VPS13B: variants seen among roughly 807,000 people sequenced by gnomAD.
VPS13B encodes intermembrane lipid transfer protein VPS13B.
VPS13B carries 285 observed loss-of-function variants against 426.4 expected under a neutral mutation model. That is an observed-to-expected ratio of 0.67 (90% CI 0.61 to 0.74). The LOEUF (loss-of-function observed/expected upper bound fraction) is 0.74. VPS13B is among the 30% of genes least tolerant of loss of function. VPS13B has a pLI of 0.00. For synonymous variants in VPS13B, 1,676 were observed against 1,676.4 expected, an observed-to-expected ratio of 1.00 and a Z score of 0.01; for missense variants, 4,537 against 4,782.6, an observed-to-expected ratio of 0.95 and a Z score of 1.51.
intron 30 of VPS13B, among the ~76,000 whole-genome samples, chr8:99,545,855 T>C (rs1823942673): frequency 6.6e-6 from 1 of 152,120 alleles, no homozygotes; most frequent in Admixed American, 6.5e-5. Context: ...TTGAAGGGCA[T>C]TGTGCTACTG....
rs566777471 is a variant in VPS13B, at chr8:99,245,400, G to T, written c.2516-28798G>T. Among the ~76,000 whole-genome samples the T allele has an allele frequency of 2.0e-5, 3 of 152,272 alleles. No homozygotes were observed. In the East Asian group the frequency reaches 5.8e-4, roughly 29 times the overall value. On this transcript the variant is annotated intron_variant, in intron 17 of 61. Transcript: ENST00000357162. Reference sequence around the variant, plus strand: ...GAATGTTTTTGTCTTGCTCTTAGCTGCTTCCTAAGCATTTATTACCATGAT... The same window carrying T: ...GAATGTTTTTGTCTTGCTCTTAGCTTCTTCCTAAGCATTTATTACCATGAT...
chr8:99,697,484 C>G, intron 35 of VPS13B: 1 of 739,990 alleles, frequency 1.4e-6, no homozygotes, highest in Non-Finnish European at 2.5e-6. Flanking sequence ...CTGCTCTAAG[C>G]TGAAGGAGCA....
intron 35 of VPS13B, among the ~76,000 whole-genome samples, chr8:99,661,931 ACCT>A (rs1242012582): frequency 1.3e-5 from 2 of 152,196 alleles, no homozygotes; most frequent in Non-Finnish European, 2.9e-5. Context: ...AGTTAAATGT[ACCT>A]GTTTCACATG....
intron 15 of VPS13B, among the ~76,000 whole-genome samples, chr8:99,157,476 T>C (rs1393674391): frequency 2.6e-5 from 4 of 152,192 alleles, no homozygotes. Flanking sequence ...GTAACTGTTT[T>C]TCGGGCACCA....
intron 33 of VPS13B, among the ~76,000 whole-genome samples, chr8:99,592,771 C>T (rs993487613): frequency 2.0e-5 from 3 of 152,094 alleles, no homozygotes; most frequent in African/African-American, 7.2e-5. Flanking sequence ...ACACCTACAA[C>T]CATCTGGTCT....
At chr8:99,755,305 G>A (rs923432909) in intron 39 of VPS13B, among the ~76,000 whole-genome samples, 2 of 152,160 alleles carry the variant, frequency 1.3e-5, no homozygotes, top group East Asian at 3.8e-4. Context: ...AGGGAAGTCT[G>A]TTTAATCATT....
At chr8:99,203,124 G>A (rs1814454337) in intron 17 of VPS13B, among the ~76,000 whole-genome samples, 1 of 151,834 alleles carries the variant, frequency 6.6e-6, no homozygotes, top group African/African-American at 2.4e-5. Flanking sequence ...TAAAATACTG[G>A]CAAACTGAAT....
chr8:99,158,423 C>T (rs1302270534), intron 15 of VPS13B, among the ~76,000 whole-genome samples: 2 of 152,148 alleles, frequency 1.3e-5, no homozygotes, highest in Non-Finnish European at 2.9e-5. Flanking sequence ...ATCTCAGCTA[C>T]TCAGGAGGCT....
At chr8:99,297,132 T>G (rs1204939373) in intron 19 of VPS13B, among the ~76,000 whole-genome samples, 2 of 151,896 alleles carry the variant, frequency 1.3e-5, no homozygotes, top group Non-Finnish European at 2.9e-5. Flanking sequence ...GAAAGTAAGG[T>G]TTTTATAGGG....
chr8:99,683,847 G>C (rs1831257919), intron 35 of VPS13B, among the ~76,000 whole-genome samples: 1 of 152,078 alleles, frequency 6.6e-6, no homozygotes, highest in African/African-American at 2.4e-5. Flanking sequence ...ATCTTGCCTT[G>C]TTGCACTGTC....
intron 24 of VPS13B, among the ~76,000 whole-genome samples, chr8:99,476,979 C>T (rs1045703215): frequency 1.3e-5 from 2 of 152,068 alleles, no homozygotes; most frequent in Non-Finnish European, 2.9e-5. Context: ...TGTTTATTTT[C>T]CAGTGAATTT....
chr8:99,739,051 G>T (rs1833954331), intron 39 of VPS13B, among the ~76,000 whole-genome samples: 1 of 152,202 alleles, frequency 6.6e-6, no homozygotes, highest in South Asian at 2.1e-4. Context: ...AAGCGCAAGG[G>T]GTCAGGGAAT....
intron 24 of VPS13B, among the ~76,000 whole-genome samples, chr8:99,472,138 G>C (rs1183448034): frequency 1.3e-5 from 2 of 152,004 alleles, no homozygotes; most frequent in Non-Finnish European, 2.9e-5. Flanking sequence ...AAAAGATAGA[G>C]AATTCTAGAA....
chr8:99,540,882 T>G (rs981332331), intron 30 of VPS13B, among the ~76,000 whole-genome samples: 2 of 152,178 alleles, frequency 1.3e-5, no homozygotes, highest in African/African-American at 4.8e-5. Flanking sequence ...GTCTTTGCTA[T>G]TGCTCGGTGT....
At chr8:99,338,727 T>A (rs1811068976) in intron 19 of VPS13B, among the ~76,000 whole-genome samples, 1 of 152,174 alleles carries the variant, frequency 6.6e-6, no homozygotes, top group African/African-American at 2.4e-5. Flanking sequence ...ATCGTTTATA[T>A]GTTGCAGAAT....
intron 33 of VPS13B, among the ~76,000 whole-genome samples, chr8:99,628,871 A>G (rs1356477915): frequency 6.6e-6 from 1 of 151,932 alleles, no homozygotes; most frequent in East Asian, 1.9e-4. Context: ...TTAGACTCCT[A>G]AGCTCAAGCT....
chr8:99,410,631 G>T (rs1459072835), intron 21 of VPS13B, among the ~76,000 whole-genome samples: 3 of 151,454 alleles, frequency 2.0e-5, no homozygotes, highest in East Asian at 1.9e-4. Context: ...TGTTACATAG[G>T]TATACACGTG....
chr8:99,640,096 GAAAAGAAAAGAA>G lies in VPS13B; in HGVS notation c.5221-1712_5221-1701del, dbSNP rs1452739548. The stretch of plus-strand genomic sequence containing the variant: ...GAAAAGAAAAGAAAAGAAAAGAAAA[GAAAAGAAAAGAA>G]AAGAAGAAGAAGCAATACCCAGTTA... On this transcript the variant is annotated intron_variant, in intron 33 of 61. Transcript: ENST00000357162. Among the ~76,000 whole-genome samples the G allele has an allele frequency of 4.8e-5, 7 of 145,946 alleles. 1 individual carries two copies. The highest frequency in any genetic ancestry group is 1.5e-4 in the African/African-American group (6 of 39,598).
At chr8:99,337,922 C>G (rs926190248) in intron 19 of VPS13B, among the ~76,000 whole-genome samples, 2 of 151,418 alleles carry the variant, frequency 1.3e-5, no homozygotes, top group Non-Finnish European at 2.9e-5. Flanking sequence ...TTTTTTTTCT[C>G]ATTCATCCAG....
Sources: gnomAD v4.1 joint callset for allele counts (sites outside exome capture counted in the v4.1 genomes callset) on GRCh38, gnomAD v4.1.1 for gene constraint, MANE v1.5 for transcripts, NCBI Gene and HGNC (gene_info 2026-07-23, HGNC 2026-07-21) for gene names.